Variants in KDM2A observed in about 807,000 individuals in gnomAD.
The protein encoded by KDM2A is lysine-specific demethylase 2A.
A neutral mutation model predicts 137.3 loss-of-function variants in KDM2A; 3 were observed. That is an observed-to-expected ratio of 0.02 (90% confidence interval 0.01 to 0.06). The LOEUF is 0.06. Among genes scored for constraint, KDM2A ranks in the 10% least tolerant of loss-of-function variants. The pLI, the probability that KDM2A is intolerant of heterozygous loss-of-function variation, is 1.00. For missense variants in KDM2A, 738 were observed against 1,510.6 expected (o/e 0.49, Z 8.48); for synonymous variants, 512 against 541.5 (o/e 0.95, Z 0.76).
In KDM2A at chr11:67,255,481, G is replaced by T. The variant is rs904157437; in HGVS notation, c.*426G>T. 2 of 458,674 alleles carry T rather than the reference G, an allele frequency of 4.4e-6. No individual in the cohort carries two copies. Among genetic ancestry groups the T allele is most frequent in the Non-Finnish European group, 8.8e-6 (2 of 228,392 alleles). The allele number at this position is 458,674 out of a possible 1,614,324, so 28.4% of individuals were successfully genotyped here. A position where few individuals can be genotyped will look rare whatever the true frequency, so the allele number is the denominator to read the frequency against. ...AAAACGGCCCTGTCTCCATGGCCAG[G>T]TTCTTGTGGTGTCCAGTGCGCGTCT... On this transcript the variant is annotated 3_prime_UTR_variant, in exon 21 of 21. Transcript: ENST00000529006.
At chr11:67,238,783 G>T (rs1020552415) in intron 12 of KDM2A, among the ~76,000 whole-genome samples, 2 of 152,100 alleles carry the variant, frequency 1.3e-5, no homozygotes, top group Admixed American at 1.3e-4. Context: ...CATTTGTAAG[G>T]GTCTAAAAGT....
At chr11:67,157,722 G>A (rs1856549573) in intron 2 of KDM2A, among the ~76,000 whole-genome samples, 1 of 148,938 alleles carries the variant, frequency 6.7e-6, no homozygotes, top group Non-Finnish European at 1.5e-5. Flanking sequence ...TCCAGCCTGG[G>A]CGACAAAAGC....
At chr11:67,227,836 C>T (rs575264495) in intron 10 of KDM2A, among the ~76,000 whole-genome samples, 5 of 151,978 alleles carry the variant, frequency 3.3e-5, no homozygotes, top group Non-Finnish European at 5.9e-5. Context: ...CTCCCAAGTA[C>T]CCTTTATCTT....
intron 2 of KDM2A, among the ~76,000 whole-genome samples, chr11:67,133,970 G>C (rs529161337): frequency 4.9e-4 from 74 of 152,314 alleles, no homozygotes; most frequent in African/African-American, 1.7e-3. Flanking sequence ...AGGATTAGAG[G>C]CGTGAGCCAC....
intron 10 of KDM2A, among the ~76,000 whole-genome samples, chr11:67,227,609 G>A (rs1357794665): frequency 1.3e-5 from 2 of 151,970 alleles, no homozygotes; most frequent in Non-Finnish European, 2.9e-5. Flanking sequence ...TCACTCTGTA[G>A]CCCAGACTGG....
intron 2 of KDM2A, among the ~76,000 whole-genome samples, chr11:67,166,255 G>T (rs919262670): frequency 1.3e-5 from 2 of 150,418 alleles, no homozygotes; most frequent in African/African-American, 4.9e-5. Flanking sequence ...TGTGATCTCG[G>T]CTCACTGTAA....
At chr11:67,157,922 G>A (rs758746652) in intron 2 of KDM2A, among the ~76,000 whole-genome samples, 3 of 152,018 alleles carry the variant, frequency 2.0e-5, no homozygotes, top group African/African-American at 4.8e-5. Context: ...AGACCCCATC[G>A]CAAAAGAAAG....
chr11:67,225,361 C>T (rs1017454709), intron 10 of KDM2A, among the ~76,000 whole-genome samples: 14 of 152,226 alleles, frequency 9.2e-5, no homozygotes, highest in African/African-American at 3.1e-4. Flanking sequence ...CTTGGGCAGG[C>T]GTGGTGGCTT....
At chr11:67,172,242 G>C (rs1193443514) in intron 2 of KDM2A, among the ~76,000 whole-genome samples, 1 of 152,056 alleles carries the variant, frequency 6.6e-6, no homozygotes, top group Non-Finnish European at 1.5e-5. Context: ...TCTCTTTAAG[G>C]ATTGTTTTGA....
chr11:67,134,653 C>T (rs561805283), intron 2 of KDM2A, among the ~76,000 whole-genome samples: 1 of 151,868 alleles, frequency 6.6e-6, no homozygotes, highest in East Asian at 1.9e-4. Context: ...TACAGGTATG[C>T]GTCGCCACGC....
chr11:67,240,783 G>A (rs959761496), intron 12 of KDM2A, among the ~76,000 whole-genome samples: 9 of 152,270 alleles, frequency 5.9e-5, no homozygotes, highest in Admixed American at 3.3e-4. Flanking sequence ...GCCTCAGCTG[G>A]AGTCTGCCTT....
intron 5 of KDM2A, among the ~76,000 whole-genome samples, chr11:67,187,568 A>G (rs1229754774): frequency 1.3e-5 from 2 of 150,822 alleles, no homozygotes; most frequent in East Asian, 3.9e-4. Flanking sequence ...TTATTTATTT[A>G]TTTATTTATT....
chr11:67,198,378 C>T (rs1477701739), intron 5 of KDM2A, among the ~76,000 whole-genome samples: 3 of 151,710 alleles, frequency 2.0e-5, no homozygotes, highest in African/African-American at 7.3e-5. Flanking sequence ...AAGTCTGTAG[C>T]CGCCATTTTT....
chr11:67,182,221 A>G (rs1276683284), intron 5 of KDM2A, among the ~76,000 whole-genome samples: 1 of 152,174 alleles, frequency 6.6e-6, no homozygotes, highest in Non-Finnish European at 1.5e-5. Context: ...AATATCCGTG[A>G]TTCCCTTCCT....
intron 5 of KDM2A, among the ~76,000 whole-genome samples, chr11:67,192,466 T>C (rs372097089): frequency 0.026 from 3,082 of 119,660 alleles, 369 homozygotes; most frequent in African/African-American, 0.13. Flanking sequence ...TTTTTTGAGA[T>C]GGAGCATCTC....
At chr11:67,235,640 G>A (rs1378076356) in intron 12 of KDM2A, among the ~76,000 whole-genome samples, 1 of 146,268 alleles carries the variant, frequency 6.8e-6, no homozygotes, top group Non-Finnish European at 1.5e-5. Context: ...TTTTGTTTTT[G>A]AGACAGAGTC....
At chr11:67,161,620 T>A (rs924544349) in intron 2 of KDM2A, among the ~76,000 whole-genome samples, 2 of 152,234 alleles carry the variant, frequency 1.3e-5, no homozygotes, top group African/African-American at 2.4e-5. Context: ...ATACACACTG[T>A]TGTGACCTAA....
rs955194422 is a variant in KDM2A at position 67,245,152 on chromosome 11, A to T, written c.1564-37A>T. The T allele has an allele frequency of 5.6e-6, 9 of 1,604,166 alleles. No individual in the cohort carries two copies. In the African/African-American group the frequency reaches 9.4e-5, roughly 17 times the overall value. ...TTCTACCCTATCCAGTCTTAAAGCA[A>T]CCTGATATATTTGACCTCACTGCTT... On this transcript the variant is annotated intron_variant, in intron 13 of 20. Transcript: ENST00000529006. The surrounding 1 kb of genome is among the most constrained non-coding windows in gnomAD (Gnocchi z 4.1).
intron 2 of KDM2A, among the ~76,000 whole-genome samples, chr11:67,156,917 A>T (rs1856528007): frequency 6.6e-6 from 1 of 151,764 alleles, no homozygotes; most frequent in Non-Finnish European, 1.5e-5. Flanking sequence ...TAGGAGCTTC[A>T]GTGCCCACAA....
Sources: allele counts gnomAD v4.1 joint callset (sites outside exome capture counted in the v4.1 genomes callset), GRCh38; gene constraint gnomAD v4.1.1; non-coding constraint Gnocchi (gnomAD v3.1); transcripts MANE v1.5; gene names NCBI Gene and HGNC (gene_info 2026-07-23, HGNC 2026-07-21).